Variants in FHIT observed in about 807,000 individuals in gnomAD.
FHIT encodes the protein bis(5'-adenosyl)-triphosphatase.
In FHIT, 19 loss-of-function variants were observed where a neutral mutation model predicts 17.9. The observed-to-expected ratio is 1.06, with a 90% confidence interval of 0.74 to 1.56. The LOEUF (loss-of-function observed/expected upper bound fraction) is 1.56, where lower values mean the gene tolerates loss of function less well. Among genes scored for constraint, FHIT ranks in the 40% most tolerant of loss-of-function variants. FHIT has a pLI of 0.00. For synonymous variants in FHIT, 81 were observed against 69.7 expected, an observed-to-expected ratio of 1.16 and a Z score of -0.81; for missense variants, 248 against 189.2, an observed-to-expected ratio of 1.31 and a Z score of -1.82.
At chr3:61,151,408 G>A (rs1014032255) in intron 2 of FHIT, among the ~76,000 whole-genome samples, 6 of 151,952 alleles carry the variant, frequency 3.9e-5, no homozygotes, top group Admixed American at 2.6e-4. Flanking sequence ...ATTTATCTTA[G>A]CATGTTAGCT....
chr3:60,971,011 C>A (rs1709979295), intron 3 of FHIT, among the ~76,000 whole-genome samples: 1 of 152,058 alleles, frequency 6.6e-6, no homozygotes, highest in Admixed American at 6.6e-5. Context: ...GTATGTATAT[C>A]CAAAAGATGA....
At position 60,891,104 on chromosome 3, in the gene FHIT, A is replaced by G. The variant is rs373062078; in HGVS notation, c.-110-69093T>C. Among the ~76,000 whole-genome samples the G allele has an allele frequency of 2.5e-4, 38 of 152,298 alleles. No homozygotes were observed. The East Asian group carries it at 3.3e-3, about 13-fold the overall frequency. Reference sequence around the variant, plus strand: ...TGGCAGTCAGTAGAGAATGTCTTACACACAGTCCTAGAAGACCTTCCTAGA... The same window carrying G: ...TGGCAGTCAGTAGAGAATGTCTTACGCACAGTCCTAGAAGACCTTCCTAGA... On this transcript the variant is annotated intron_variant, in intron 3 of 9. Transcript: ENST00000492590.
chr3:60,310,684 A>C (rs1273494885), intron 5 of FHIT, among the ~76,000 whole-genome samples: 4 of 152,186 alleles, frequency 2.6e-5, no homozygotes, highest in Non-Finnish European at 5.9e-5. Context: ...TTCCTGAAAC[A>C]CACAAGGACA....
At chr3:60,211,848 C>T (rs1278930983) in intron 5 of FHIT, among the ~76,000 whole-genome samples, 1 of 152,078 alleles carries the variant, frequency 6.6e-6, no homozygotes, top group Non-Finnish European at 1.5e-5. Flanking sequence ...GTTCTCCAGG[C>T]TTCTGTTTCT....
chr3:60,124,304 C>G (rs549402584), intron 5 of FHIT, among the ~76,000 whole-genome samples: 5 of 151,808 alleles, frequency 3.3e-5, no homozygotes, highest in African/African-American at 9.7e-5. Context: ...GTCCCTGTAG[C>G]AATTATGCTC....
At chr3:60,860,438 CAT>C (rs1432686263) in intron 3 of FHIT, among the ~76,000 whole-genome samples, 2 of 122,800 alleles carry the variant, frequency 1.6e-5, no homozygotes, top group Non-Finnish European at 3.4e-5. Context: ...ACATATATAT[CAT>C]GTATATATGA....
At chr3:60,257,331 C>T (rs1278849322) in intron 5 of FHIT, among the ~76,000 whole-genome samples, 4 of 152,156 alleles carry the variant, frequency 2.6e-5, no homozygotes, top group African/African-American at 9.7e-5. Context: ...AATCCAGAAA[C>T]GTTACCCTGG....
intron 5 of FHIT, among the ~76,000 whole-genome samples, chr3:60,175,680 A>G: frequency 6.6e-6 from 1 of 152,208 alleles, no homozygotes; most frequent in East Asian, 1.9e-4. Context: ...AAAATGAGAA[A>G]TGCACAGTTT....
chr3:60,841,104 C>T (rs1702712943), intron 3 of FHIT, among the ~76,000 whole-genome samples: 1 of 152,196 alleles, frequency 6.6e-6, no homozygotes, highest in South Asian at 2.1e-4. Flanking sequence ...TCCAATTCTT[C>T]ATCTGTATTT....
intron 7 of FHIT, among the ~76,000 whole-genome samples, chr3:59,984,446 A>T (rs920655354): frequency 1.3e-5 from 2 of 152,072 alleles, no homozygotes; most frequent in Non-Finnish European, 2.9e-5. Context: ...GAGTTTTCGC[A>T]CTTACGACAT....
At chr3:60,872,453 C>G (rs1474382033) in intron 3 of FHIT, among the ~76,000 whole-genome samples, 1 of 151,966 alleles carries the variant, frequency 6.6e-6, no homozygotes, top group African/African-American at 2.4e-5. Flanking sequence ...CTTTTGCTCC[C>G]CCTCCTTCTT....
At chr3:61,144,897 T>C (rs1343286257) in intron 2 of FHIT, among the ~76,000 whole-genome samples, 1 of 152,138 alleles carries the variant, frequency 6.6e-6, no homozygotes, top group African/African-American at 2.4e-5. Flanking sequence ...AATTGTGTTA[T>C]TTGTTGTTTT....
At chr3:61,024,864 T>C (rs1339198518) in intron 3 of FHIT, among the ~76,000 whole-genome samples, 1 of 152,164 alleles carries the variant, frequency 6.6e-6, no homozygotes, top group Non-Finnish European at 1.5e-5. Flanking sequence ...AGAGCAACTC[T>C]GATTAATGTA....
intron 5 of FHIT, among the ~76,000 whole-genome samples, chr3:60,017,701 C>T (rs1700396883): frequency 6.6e-6 from 1 of 152,246 alleles, no homozygotes; most frequent in African/African-American, 2.4e-5. Context: ...CTGACTATCT[C>T]TCTTTTTGAA....
chr3:59,920,068 C>T (rs1313224531), intron 8 of FHIT, among the ~76,000 whole-genome samples: 1 of 152,160 alleles, frequency 6.6e-6, no homozygotes, highest in South Asian at 2.1e-4. Flanking sequence ...CATCCAATGA[C>T]CTGGCTTTGA....
At chr3:60,374,362 C>T (rs1390872997) in intron 5 of FHIT, among the ~76,000 whole-genome samples, 1 of 151,584 alleles carries the variant, frequency 6.6e-6, no homozygotes, top group Admixed American at 6.6e-5. Context: ...TTAGGGTGAT[C>T]CAGAATTAAT....
At chr3:60,270,985 T>G (rs1429297099) in intron 5 of FHIT, among the ~76,000 whole-genome samples, 1 of 152,158 alleles carries the variant, frequency 6.6e-6, no homozygotes. Context: ...ATAGAGGACT[T>G]ATGCTGGACC....
chr3:60,018,117 G>A (rs1471057153), intron 5 of FHIT, among the ~76,000 whole-genome samples: 3 of 152,184 alleles, frequency 2.0e-5, no homozygotes, highest in African/African-American at 7.2e-5. Flanking sequence ...TTTGGTGGAG[G>A]CCTCAAGATG....
At chr3:60,680,285 G>A (rs1024604460) in intron 4 of FHIT, among the ~76,000 whole-genome samples, 10 of 152,066 alleles carry the variant, frequency 6.6e-5, no homozygotes, top group Admixed American at 3.9e-4. Context: ...ATTTTAGAAG[G>A]CATTTCCTGA....
Sources: gnomAD v4.1 joint callset for allele counts (sites outside exome capture counted in the v4.1 genomes callset) on GRCh38, gnomAD v4.1.1 for gene constraint, MANE v1.5 for transcripts, NCBI Gene and HGNC (gene_info 2026-07-23, HGNC 2026-07-21) for gene names.